Variants in ARHGAP35 observed in about 807,000 individuals in gnomAD.
ARHGAP35 encodes the protein rho GTPase-activating protein 35.
ARHGAP35 carries 15 observed loss-of-function variants against 111.1 expected under a neutral mutation model. That is an observed-to-expected ratio of 0.13 (90% CI 0.09 to 0.21). The LOEUF (loss-of-function observed/expected upper bound fraction) is 0.21, where lower values mean the gene tolerates loss of function less well. Ranked by LOEUF, ARHGAP35 falls within the 10% of genes least tolerant of loss-of-function variation. ARHGAP35 has a pLI of 1.00. For synonymous variants in ARHGAP35, 643 were observed against 710.3 expected (o/e 0.91, Z 1.51); for missense variants, 1,262 against 1,873.0 (o/e 0.67, Z 6.02).
chr19:46,917,266 C>T (rs1332261179), intron 1 of ARHGAP35, among the ~76,000 whole-genome samples: 1 of 152,150 alleles, frequency 6.6e-6, no homozygotes, highest in Non-Finnish European at 1.5e-5. Context: ...GCTTATTTCA[C>T]TTAGCACAAT....
intron 3 of ARHGAP35, among the ~76,000 whole-genome samples, chr19:46,984,324 A>G (rs2056637442): frequency 6.6e-6 from 1 of 152,062 alleles, no homozygotes; most frequent in African/African-American, 2.4e-5. Flanking sequence ...GGGTGTTTCC[A>G]TGTAGGAACA....
intron 1 of ARHGAP35, among the ~76,000 whole-genome samples, chr19:46,884,586 G>A (rs1382663126): frequency 1.4e-5 from 2 of 144,490 alleles, no homozygotes; most frequent in East Asian, 2.0e-4. Flanking sequence ...CTGCAGCCTC[G>A]ACTTCCTGGG....
At chr19:46,983,861 C>T (rs1157251526) in intron 3 of ARHGAP35, among the ~76,000 whole-genome samples, 1 of 152,104 alleles carries the variant, frequency 6.6e-6, no homozygotes, top group African/African-American at 2.4e-5. Context: ...GTGATTCGCC[C>T]GCCTCGGCCT....
chr19:46,957,427 A>G (rs893024987), intron 3 of ARHGAP35, among the ~76,000 whole-genome samples: 1 of 152,048 alleles, frequency 6.6e-6, no homozygotes, highest in Non-Finnish European at 1.5e-5. Flanking sequence ...CAGCCTGAGC[A>G]ATATAGGGAA....
chr19:46,871,739 G>A (rs1431627259), intron 1 of ARHGAP35, among the ~76,000 whole-genome samples: 1 of 151,998 alleles, frequency 6.6e-6, no homozygotes, highest in African/African-American at 2.4e-5. Context: ...AGCACCTGGG[G>A]AGGCCTAGGC....
At chr19:46,893,469 C>T (rs2056036457) in intron 1 of ARHGAP35, among the ~76,000 whole-genome samples, 1 of 151,986 alleles carries the variant, frequency 6.6e-6, no homozygotes, top group South Asian at 2.1e-4. Context: ...GGAAGTTAGT[C>T]CTTTCTAGCC....
At chr19:46,969,130 G>A (rs528588806) in intron 3 of ARHGAP35, among the ~76,000 whole-genome samples, 4 of 152,154 alleles carry the variant, frequency 2.6e-5, no homozygotes, top group South Asian at 4.2e-4. Context: ...CAGGGGCTGC[G>A]AGAAGGGAGA....
chr19:46,981,924 G>A (rs957368553), intron 3 of ARHGAP35, among the ~76,000 whole-genome samples: 1 of 152,112 alleles, frequency 6.6e-6, no homozygotes, highest in Non-Finnish European at 1.5e-5. Flanking sequence ...TATGGACATG[G>A]CTCACTGCAG....
At chr19:46,875,279 T>C (rs1328067098) in intron 1 of ARHGAP35, among the ~76,000 whole-genome samples, 1 of 152,204 alleles carries the variant, frequency 6.6e-6, no homozygotes, top group Non-Finnish European at 1.5e-5. Flanking sequence ...AGGTTGGCGT[T>C]CAGACATCAG....
At position 47,001,142 on chromosome 19, in the gene ARHGAP35, A is replaced by T. The variant is rs971602738; in HGVS notation, c.*454A>T. 21 of 1,225,930 alleles carry T rather than the reference A, an allele frequency of 1.7e-5. No individual in the cohort carries two copies. The African/African-American group carries it at 2.3e-4, about 14-fold the overall frequency. The allele number at this position is 1,225,930 out of a possible 1,614,324, so 75.9% of individuals were successfully genotyped here. On this transcript the variant is annotated 3_prime_UTR_variant, in exon 7 of 7. Transcript: ENST00000672722. The surrounding 1 kb of genome is among the most constrained non-coding windows in gnomAD (Gnocchi z 5.4). ...GTTGGTCTGTCTCTTCCCACCTTCC[A>T]TCTGCACACACCCCCAAGGTAAGGG...
chr19:46,933,411 G>A (rs989326606), intron 2 of ARHGAP35, among the ~76,000 whole-genome samples: 2 of 152,052 alleles, frequency 1.3e-5, no homozygotes, highest in Non-Finnish European at 2.9e-5. Flanking sequence ...GCCTCCCAAA[G>A]TGCTGGAATT....
At chr19:46,897,025 C>T (rs527508420) in intron 1 of ARHGAP35, among the ~76,000 whole-genome samples, 2 of 151,626 alleles carry the variant, frequency 1.3e-5, no homozygotes, top group South Asian at 2.1e-4. Context: ...TCCCAAGTAG[C>T]TGGGACTACA....
intron 5 of ARHGAP35, among the ~76,000 whole-genome samples, chr19:46,998,372 C>T (rs1033870197): frequency 6.6e-5 from 10 of 152,288 alleles, no homozygotes; most frequent in African/African-American, 2.2e-4. Flanking sequence ...CTGGAGTCCA[C>T]GAAGGAAACA....
intron 1 of ARHGAP35, among the ~76,000 whole-genome samples, chr19:46,871,934 T>C (rs1462756104): frequency 6.6e-6 from 1 of 151,946 alleles, no homozygotes; most frequent in Non-Finnish European, 1.5e-5. Flanking sequence ...GAGCGGAGAT[T>C]ATGCCACTGC....
chr19:46,895,093 C>T (rs1434483051), intron 1 of ARHGAP35, among the ~76,000 whole-genome samples: 1 of 150,722 alleles, frequency 6.6e-6, no homozygotes, highest in African/African-American at 2.4e-5. Flanking sequence ...TAAAGGTATA[C>T]TTTCTGTGTA....
intron 1 of ARHGAP35, among the ~76,000 whole-genome samples, chr19:46,890,535 T>C (rs3848534): frequency 0.061 from 9,218 of 152,322 alleles, 365 homozygotes; most frequent in Non-Finnish European, 0.095. Context: ...AGCTATTATA[T>C]AGTGTCATGG....
intron 1 of ARHGAP35, among the ~76,000 whole-genome samples, chr19:46,916,825 G>A (rs962780592): frequency 6.6e-6 from 1 of 151,520 alleles, no homozygotes; most frequent in Non-Finnish European, 1.5e-5. Flanking sequence ...GATCAGTTAC[G>A]TACATTATGG....
chr19:46,900,193 T>C (rs2056077355), intron 1 of ARHGAP35, among the ~76,000 whole-genome samples: 1 of 151,856 alleles, frequency 6.6e-6, no homozygotes, highest in Admixed American at 6.6e-5. Context: ...TCATAAACTT[T>C]ATTCATAAAT....
At chr19:46,930,465 GAA>G (rs34807261) in intron 2 of ARHGAP35, among the ~76,000 whole-genome samples, 9 of 93,348 alleles carry the variant, frequency 9.6e-5, no homozygotes, top group Admixed American at 1.2e-4. Flanking sequence ...CAGGCACTTT[GAA>G]AAAAAAAAAA....
Sources: allele counts gnomAD v4.1 joint callset (sites outside exome capture counted in the v4.1 genomes callset), GRCh38; gene constraint gnomAD v4.1.1; non-coding constraint Gnocchi (gnomAD v3.1); transcripts MANE v1.5; gene names NCBI Gene and HGNC (gene_info 2026-07-23, HGNC 2026-07-21).